CNTNAP2: variants seen among roughly 807,000 people sequenced by gnomAD.
CNTNAP2 encodes the protein contactin associated protein 2.
In CNTNAP2, 98 loss-of-function variants were observed where a neutral mutation model predicts 155.2. The ratio of observed to expected loss-of-function variants is 0.63; its 90% CI spans 0.54 to 0.75. CNTNAP2 has a LOEUF of 0.75. Ranked by LOEUF, CNTNAP2 falls within the 30% of genes least tolerant of loss-of-function variation. The probability of loss-of-function intolerance (pLI) is 0.00; values close to 1 mark genes in which losing one functional copy is unlikely to be tolerated. For synonymous variants in CNTNAP2, 651 were observed against 631.2 expected (o/e 1.03, Z -0.47); for missense variants, 1,727 against 1,688.1 (o/e 1.02, Z -0.40).
At chr7:147,760,021 C>T (rs1272587880) in intron 13 of CNTNAP2, among the ~76,000 whole-genome samples, 1 of 152,072 alleles carries the variant, frequency 6.6e-6, no homozygotes, top group African/African-American at 2.4e-5. Flanking sequence ...TCTTCCTCTC[C>T]CTTCTCTTCT....
At chr7:148,028,454 C>A (rs1373838021) in intron 15 of CNTNAP2, among the ~76,000 whole-genome samples, 2 of 152,044 alleles carry the variant, frequency 1.3e-5, no homozygotes, top group Non-Finnish European at 2.9e-5. Context: ...AACTGATGAC[C>A]CCCGGACAGC....
intron 3 of CNTNAP2, among the ~76,000 whole-genome samples, chr7:146,957,845 T>C (rs1285532204): frequency 1.1e-4 from 17 of 152,196 alleles, no homozygotes; most frequent in Admixed American, 1.1e-3. Flanking sequence ...TGGGTGTACA[T>C]AAATCCAAGT....
chr7:147,241,671 C>A (rs934168287), intron 8 of CNTNAP2, among the ~76,000 whole-genome samples: 1 of 148,048 alleles, frequency 6.8e-6, no homozygotes, highest in Non-Finnish European at 1.5e-5. Context: ...TTGTTTTGCT[C>A]TTTTCTTCCC....
chr7:147,208,765 A>G (rs1012121450), intron 8 of CNTNAP2, among the ~76,000 whole-genome samples: 1 of 152,080 alleles, frequency 6.6e-6, no homozygotes, highest in African/African-American at 2.4e-5. Flanking sequence ...ATGTAATTCA[A>G]AAAACAATAA....
At chr7:148,251,835 T>C (rs1796367813) in intron 20 of CNTNAP2, among the ~76,000 whole-genome samples, 1 of 152,198 alleles carries the variant, frequency 6.6e-6, no homozygotes, top group South Asian at 2.1e-4. Flanking sequence ...AAGGGTATGA[T>C]TATGCTACAT....
chr7:147,525,230 CAAAG>C (rs996734858), intron 11 of CNTNAP2, among the ~76,000 whole-genome samples: 11 of 152,066 alleles, frequency 7.2e-5, no homozygotes, highest in African/African-American at 2.4e-4. Flanking sequence ...TTGTTGATGT[CAAAG>C]AAACACAGAG....
chr7:148,381,870 G>GC (rs55654360), intron 21 of CNTNAP2, among the ~76,000 whole-genome samples: 1 of 152,042 alleles, frequency 6.6e-6, no homozygotes, highest in African/African-American at 2.4e-5. Flanking sequence ...CTGCACATTG[G>GC]CCCCCCCCCA....
chr7:147,533,642 A>C (rs1319290065), intron 11 of CNTNAP2, among the ~76,000 whole-genome samples: 9 of 151,908 alleles, frequency 5.9e-5, no homozygotes, highest in Non-Finnish European at 1.3e-4. Flanking sequence ...ACAATGGCTC[A>C]TATGTGTAAT....
chr7:148,327,870 A>T (rs560752095), intron 21 of CNTNAP2, among the ~76,000 whole-genome samples: 1 of 151,942 alleles, frequency 6.6e-6, no homozygotes, highest in Non-Finnish European at 1.5e-5. Context: ...TTTCTCATGG[A>T]GACCTAATCA....
At chr7:148,048,060 A>T (rs968221040) in intron 15 of CNTNAP2, among the ~76,000 whole-genome samples, 4 of 151,586 alleles carry the variant, frequency 2.6e-5, no homozygotes, top group Admixed American at 2.6e-4. Context: ...AGTAGCTGGG[A>T]CTACAGGTGC....
intron 14 of CNTNAP2, among the ~76,000 whole-genome samples, chr7:147,905,653 C>T (rs1423849341): frequency 6.6e-6 from 1 of 152,180 alleles, no homozygotes; most frequent in African/African-American, 2.4e-5. Flanking sequence ...GAGGCCGAGG[C>T]CAGCAGATCA....
chr7:146,954,694 T>C (rs1399229912), intron 3 of CNTNAP2, among the ~76,000 whole-genome samples: 1 of 151,922 alleles, frequency 6.6e-6, no homozygotes, highest in African/African-American at 2.4e-5. Flanking sequence ...TTTTGTGATA[T>C]GTGTTTTATT....
chr7:148,196,469 A>C (rs192084649), intron 18 of CNTNAP2, among the ~76,000 whole-genome samples: 3 of 152,256 alleles, frequency 2.0e-5, no homozygotes, highest in Admixed American at 2.0e-4. Flanking sequence ...AGTTTGCAGC[A>C]CACAGTAGAG....
chr7:148,409,091 A>C (rs1019423790), intron 22 of CNTNAP2, among the ~76,000 whole-genome samples: 2 of 152,220 alleles, frequency 1.3e-5, no homozygotes, highest in Admixed American at 6.5e-5. Flanking sequence ...ATTCAAATGC[A>C]TAAACTCGTC....
chr7:148,111,413 T>C (rs920707501), intron 15 of CNTNAP2, among the ~76,000 whole-genome samples: 4 of 151,882 alleles, frequency 2.6e-5, no homozygotes, highest in Admixed American at 6.6e-5. Flanking sequence ...CGAGAAATAA[T>C]ACTTGGAAAT....
intron 1 of CNTNAP2, among the ~76,000 whole-genome samples, chr7:146,389,231 AC>A (rs377366888): frequency 1.9e-4 from 29 of 150,422 alleles, no homozygotes; most frequent in African/African-American, 2.7e-4. Flanking sequence ...AGTCACACAC[AC>A]ACACACACAC....
intron 3 of CNTNAP2, among the ~76,000 whole-genome samples, chr7:146,930,945 A>G (rs1796739735): frequency 6.6e-6 from 1 of 152,208 alleles, no homozygotes; most frequent in Admixed American, 6.5e-5. Context: ...GCAAGTCCTG[A>G]GTGACCTACA....
chr7:146,415,680 T>C (rs1372198327), intron 1 of CNTNAP2, among the ~76,000 whole-genome samples: 1 of 151,770 alleles, frequency 6.6e-6, no homozygotes, highest in East Asian at 1.9e-4. Flanking sequence ...ACATCTTATC[T>C]TCCTTATAAG....
chr7:148,300,184 A>G (rs1302340535), intron 21 of CNTNAP2, among the ~76,000 whole-genome samples: 2 of 152,232 alleles, frequency 1.3e-5, no homozygotes, highest in African/African-American at 4.8e-5. Flanking sequence ...TTTGTCAAAG[A>G]AAATCCTTGA....
Sources: gnomAD v4.1 joint callset for allele counts (sites outside exome capture counted in the v4.1 genomes callset) on GRCh38, gnomAD v4.1.1 for gene constraint, MANE v1.5 for transcripts, NCBI Gene and HGNC (gene_info 2026-07-23, HGNC 2026-07-21) for gene names.